ABAT: variants seen among roughly 807,000 people sequenced by gnomAD.
ABAT encodes 4-aminobutyrate aminotransferase, mitochondrial.
In ABAT, 45 loss-of-function variants were observed where a neutral mutation model predicts 64.6. That is an observed-to-expected ratio of 0.70 (90% confidence interval 0.55 to 0.89). The LOEUF is 0.89. Ranked by LOEUF, ABAT falls within the 40% of genes least tolerant of loss-of-function variation. The pLI is 0.00. For missense variants in ABAT, 633 were observed against 658.4 expected, an observed-to-expected ratio of 0.96 and a Z score of 0.42; for synonymous variants, 297 against 250.5, an observed-to-expected ratio of 1.19 and a Z score of -1.75.
intron 14 of ABAT, among the ~76,000 whole-genome samples, chr16:8,777,258 A>C (rs2060294384): frequency 6.7e-6 from 1 of 149,104 alleles, no homozygotes. Context: ...TCCCCCAAGC[A>C]CTCCCTCTCT....
At chr16:8,770,314 T>A (rs1457576047) in intron 11 of ABAT, among the ~76,000 whole-genome samples, 1 of 152,160 alleles carries the variant, frequency 6.6e-6, no homozygotes, top group Non-Finnish European at 1.5e-5. Flanking sequence ...ATTTTTTGTA[T>A]TTTTAATAGA....
chr16:8,777,471 GC>G (rs2060300779), intron 14 of ABAT, among the ~76,000 whole-genome samples: 1 of 152,182 alleles, frequency 6.6e-6, no homozygotes, highest in African/African-American at 2.4e-5. Context: ...GGACAGAGTG[GC>G]CCCCTTCTTG....
intron 1 of ABAT, among the ~76,000 whole-genome samples, chr16:8,700,803 A>T (rs1430905312): frequency 6.6e-6 from 1 of 151,524 alleles, no homozygotes; most frequent in Admixed American, 6.6e-5. Context: ...ACAGAGTCTC[A>T]CTATGTTGCT....
intron 1 of ABAT, among the ~76,000 whole-genome samples, chr16:8,733,698 G>C (rs1567292635): frequency 1.3e-5 from 2 of 151,858 alleles, no homozygotes; most frequent in Non-Finnish European, 2.9e-5. Flanking sequence ...GCGTGAGGCT[G>C]CAATCGCAGG....
intron 1 of ABAT, among the ~76,000 whole-genome samples, chr16:8,701,801 C>T (rs2057829523): frequency 6.6e-6 from 1 of 151,998 alleles, no homozygotes; most frequent in East Asian, 1.9e-4. Flanking sequence ...GAAGACAGGG[C>T]GGGAGCCCCT....
chr16:8,679,462 A>G (rs2057280723), intron 1 of ABAT, among the ~76,000 whole-genome samples: 1 of 150,862 alleles, frequency 6.6e-6, no homozygotes. Flanking sequence ...AGCCACTTTA[A>G]CTCTCAGTGC....
intron 2 of ABAT, among the ~76,000 whole-genome samples, chr16:8,743,444 T>TATATATATATATATATACACAC (rs368568293): frequency 4.2e-5 from 5 of 117,670 alleles, no homozygotes; most frequent in African/African-American, 1.9e-4. Context: ...TATATATATA[T>TATATATATATATATATACACAC]ACACACATTT....
intron 1 of ABAT, among the ~76,000 whole-genome samples, chr16:8,715,813 CTT>C (rs1338538125): frequency 6.6e-6 from 1 of 151,952 alleles, no homozygotes. Context: ...ATGAGAGTGA[CTT>C]TGTATCTCAG....
intron 1 of ABAT, among the ~76,000 whole-genome samples, chr16:8,719,064 A>G (rs897474076): frequency 1.3e-5 from 2 of 152,114 alleles, no homozygotes; most frequent in Admixed American, 6.5e-5. Flanking sequence ...GTTTCCTCCA[A>G]TCACACCGAC....
intron 1 of ABAT, among the ~76,000 whole-genome samples, chr16:8,676,809 C>T (rs1223258263): frequency 6.6e-6 from 1 of 152,234 alleles, no homozygotes; most frequent in Non-Finnish European, 1.5e-5. Flanking sequence ...CCCCTGCCCA[C>T]GCCCTCTGGC....
intron 1 of ABAT, among the ~76,000 whole-genome samples, chr16:8,729,828 T>TA (rs5815494): frequency 0.075 from 9,657 of 128,352 alleles, 563 homozygotes; most frequent in East Asian, 0.25. Context: ...TTTTTTGTCT[T>TA]AAAAAAAAAA....
chr16:8,738,107 G>T (rs1449276677), intron 2 of ABAT, among the ~76,000 whole-genome samples: 2 of 151,416 alleles, frequency 1.3e-5, no homozygotes, highest in African/African-American at 2.4e-5. Context: ...GATCGCTTGA[G>T]CCCAGGGGTT....
At chr16:8,722,717 G>T in intron 1 of ABAT, 1 of 910,916 alleles carries the variant, frequency 1.1e-6, no homozygotes, top group Non-Finnish European at 1.5e-6. Flanking sequence ...CCAGTGCTCT[G>T]AAAGCACCTC....
chr16:8,697,758 C>G (rs1254560869), intron 1 of ABAT, among the ~76,000 whole-genome samples: 2 of 152,050 alleles, frequency 1.3e-5, no homozygotes, highest in African/African-American at 4.8e-5. Context: ...GCCTCAGCCT[C>G]CTGAGTAGCT....
intron 1 of ABAT, among the ~76,000 whole-genome samples, chr16:8,696,312 G>C (rs2057700574): frequency 6.6e-6 from 1 of 152,094 alleles, no homozygotes; most frequent in African/African-American, 2.4e-5. Flanking sequence ...CTGACCTCTG[G>C]TCGGGAACTC....
chr16:8,762,550 G>C (rs187505439), intron 6 of ABAT, among the ~76,000 whole-genome samples: 2 of 152,282 alleles, frequency 1.3e-5, no homozygotes, highest in Admixed American at 6.5e-5. Flanking sequence ...TGACTGCAAG[G>C]GTTTAGAAAG....
chr16:8,723,065 T>C (rs2058420772), intron 1 of ABAT, among the ~76,000 whole-genome samples: 1 of 152,052 alleles, frequency 6.6e-6, no homozygotes, highest in African/African-American at 2.4e-5. Flanking sequence ...AAACCCTGTC[T>C]CTACAAAACA....
intron 3 of ABAT, 133 bp from the exon 4 acceptor site, chr16:8,747,975 A>T: frequency 1.3e-6 from 1 of 784,114 alleles, no homozygotes; most frequent in Non-Finnish European, 2.1e-6. Context: ...TTAAAGTAAT[A>T]TGGTTGACTA....
rs139262460 is a variant in ABAT at position 8,726,086 on chromosome 16, C to T, written c.-41-9613C>T. Among the ~76,000 whole-genome samples, 216 of 152,174 alleles carry T rather than the reference C, an allele frequency of 1.4e-3. 2 individuals carry two copies. The East Asian group carries it at 0.015, about 10-fold the overall frequency. On this transcript the variant is annotated intron_variant, in intron 1 of 15. Coordinates refer to ENST00000268251, the MANE Select transcript of ABAT (RefSeq NM_020686.6). ...CCACCTCCCATTCAACCCGCCACTA[C>T]CCTTCCCAGCCTCTGGTAACCATCC...
Sources: gnomAD v4.1 joint callset for allele counts (sites outside exome capture counted in the v4.1 genomes callset) on GRCh38, gnomAD v4.1.1 for gene constraint, MANE v1.5 for transcripts, NCBI Gene and HGNC (gene_info 2026-07-23, HGNC 2026-07-21) for gene names.